The following BFSP2 variants were observed in gnomAD, a reference collection of about 807,000 sequenced individuals.
BFSP2 encodes the protein phakinin.
A neutral mutation model predicts 44.9 loss-of-function variants in BFSP2; 38 were observed. That is an observed-to-expected ratio of 0.85 (90% CI 0.65 to 1.11). The LOEUF (loss-of-function observed/expected upper bound fraction) is 1.11, where lower values mean the gene tolerates loss of function less well. Among genes scored for constraint, BFSP2 ranks in the 50% least tolerant of loss-of-function variants. BFSP2 has a pLI of 0.00. For missense variants in BFSP2, 525 were observed against 533.0 expected (o/e 0.99, Z 0.15); for synonymous variants, 197 against 209.9 (o/e 0.94, Z 0.53).
chr3:133,448,357 A>G (rs1422074465), intron 2 of BFSP2, 132 bp from the exon 3 acceptor site: 3 of 1,184,206 alleles, frequency 2.5e-6, no homozygotes, highest in Non-Finnish European at 3.7e-6. Flanking sequence ...AGTGCCCTCA[A>G]ATCTATTGAA....
intron 1 of BFSP2, among the ~76,000 whole-genome samples, chr3:133,423,487 A>G (rs559835645): frequency 1.4e-5 from 2 of 146,930 alleles, no homozygotes; most frequent in South Asian, 4.5e-4. Context: ...CGCATGGACT[A>G]CACAGCCCTC....
At chr3:133,403,826 C>T (rs1185651891) in intron 1 of BFSP2, among the ~76,000 whole-genome samples, 1 of 152,130 alleles carries the variant, frequency 6.6e-6, no homozygotes, top group Non-Finnish European at 1.5e-5. Flanking sequence ...GTCTCACCCC[C>T]ACCCAGAGGA....
At chr3:133,421,588 CA>C (rs961106326) in intron 1 of BFSP2, among the ~76,000 whole-genome samples, 1 of 151,634 alleles carries the variant, frequency 6.6e-6, no homozygotes, top group African/African-American at 2.4e-5. Context: ...ATCTTATTTC[CA>C]AAAAAAAGGT....
chr3:133,472,451 TC>T lies in BFSP2; in HGVS notation c.1132del (p.Arg378GlufsTer47), dbSNP rs764139291. The T allele has an allele frequency of 6.2e-7, 1 of 1,614,056 alleles. No homozygotes were observed. On this transcript the variant is annotated frameshift_variant, in exon 6 of 7. Coordinates refer to ENST00000302334, the MANE Select transcript of BFSP2 (RefSeq NM_003571.4). LOFTEE classifies it high-confidence loss of function. ...CGGCTGGAGGCGGAGCTCAGGGAAA[TC>T]CGAGCGGAGGCGGAGCAGCAGCAAC... is the stretch of plus-strand genomic sequence containing the variant. Reference protein sequence around the residue: ...VGRLEAELREIRAEAEQQQQE... With the variant: ...VGRLEAELREXRAEAEQQQQE...
intron 1 of BFSP2, among the ~76,000 whole-genome samples, chr3:133,443,180 T>A (rs2073862339): frequency 6.6e-6 from 1 of 152,122 alleles, no homozygotes; most frequent in Non-Finnish European, 1.5e-5. Flanking sequence ...AGATTTTCAT[T>A]CGGGGACATG....
chr3:133,411,426 C>T (rs984216527), intron 1 of BFSP2, among the ~76,000 whole-genome samples: 1 of 151,972 alleles, frequency 6.6e-6, no homozygotes. Context: ...AACAATGGCT[C>T]TAGGCAATAA....
At chr3:133,419,194 C>T (rs1224247436) in intron 1 of BFSP2, among the ~76,000 whole-genome samples, 1 of 152,194 alleles carries the variant, frequency 6.6e-6, no homozygotes, top group Non-Finnish European at 1.5e-5. Flanking sequence ...GGCCCACCGT[C>T]AGGACCTCAT....
chr3:133,443,303 A>G (rs2073863369), intron 1 of BFSP2, among the ~76,000 whole-genome samples: 1 of 152,234 alleles, frequency 6.6e-6, no homozygotes, highest in Admixed American at 6.5e-5. Flanking sequence ...TGTGAAAGTC[A>G]TTAGCACATA....
chr3:133,443,150 G>A (rs761374803), intron 1 of BFSP2, among the ~76,000 whole-genome samples: 3 of 152,138 alleles, frequency 2.0e-5, no homozygotes, highest in Non-Finnish European at 2.9e-5. Context: ...GTGAGCCACC[G>A]CACCCGGCCA....
In BFSP2 at chr3:133,448,505, CCA is replaced by C. The variant is rs775149826; in HGVS notation, c.590_591del (p.Pro197LeufsTer10). The C allele has an allele frequency of 6.2e-7, 1 of 1,613,920 alleles. No homozygotes were observed. Among genetic ancestry groups the C allele is most frequent in the Non-Finnish European group, 8.5e-7 (1 of 1,179,998 alleles). ...DFKERYENEQPFRKAAEEEIN... is the reference protein window; with the variant it reads ...DFKERYENEQXFRKAAEEEIN... ...TATCTGCAGATATGAAAATGAGCAG[CCA>C]TTTCGAAAGGCGGCAGAAGAGGAAA... On this transcript the variant is annotated frameshift_variant, in exon 3 of 7. Transcript: ENST00000302334. LOFTEE classifies it high-confidence loss of function.
At chr3:133,440,785 T>G (rs1487042986) in intron 1 of BFSP2, among the ~76,000 whole-genome samples, 1 of 152,180 alleles carries the variant, frequency 6.6e-6, no homozygotes, top group African/African-American at 2.4e-5. Context: ...CACTGCATGC[T>G]CATCTGGCCC....
chr3:133,415,515 C>G (rs1229971385), intron 1 of BFSP2, among the ~76,000 whole-genome samples: 1 of 110,866 alleles, frequency 9.0e-6, no homozygotes, highest in East Asian at 3.2e-4. Context: ...CTATTCACCC[C>G]GTCCTCTCCC....
chr3:133,446,520 A>G (rs2073898309), intron 1 of BFSP2, among the ~76,000 whole-genome samples: 1 of 133,772 alleles, frequency 7.5e-6, no homozygotes, highest in Admixed American at 8.0e-5. Flanking sequence ...CATAGCTGGG[A>G]TTTGGCTCCA....
intron 1 of BFSP2, among the ~76,000 whole-genome samples, chr3:133,408,308 G>A (rs2073421380): frequency 6.6e-6 from 1 of 152,138 alleles, no homozygotes; most frequent in Non-Finnish European, 1.5e-5. Flanking sequence ...ATCTACCTGA[G>A]ATACCACTTT....
At chr3:133,465,264 C>T (rs2074099486) in intron 4 of BFSP2, among the ~76,000 whole-genome samples, 1 of 151,996 alleles carries the variant, frequency 6.6e-6, no homozygotes, top group South Asian at 2.1e-4. Context: ...ACCTCGGCCT[C>T]CCAAAGTGCT....
At chr3:133,419,848 G>T (rs2073576565) in intron 1 of BFSP2, among the ~76,000 whole-genome samples, 1 of 152,234 alleles carries the variant, frequency 6.6e-6, no homozygotes, top group East Asian at 1.9e-4. Flanking sequence ...AGCACTCAAG[G>T]CAGAATGACT....
intron 1 of BFSP2, among the ~76,000 whole-genome samples, chr3:133,428,337 G>A (rs535858061): frequency 1.3e-5 from 2 of 149,644 alleles, no homozygotes; most frequent in South Asian, 4.2e-4. Flanking sequence ...CCAAGCCAGG[G>A]CGCTGGGCTT....
Position 133,400,378 on chromosome 3 carries a change from C to T in BFSP2, c.295C>T (p.Pro99Ser), listed in dbSNP as rs1255021623. 2 of 1,613,976 alleles carry T rather than the reference C, an allele frequency of 1.2e-6. No individual in the cohort carries two copies. The highest frequency in any genetic ancestry group is 1.7e-6 in the Non-Finnish European group (2 of 1,180,058). The stretch of plus-strand genomic sequence containing the variant: ...CTCAGGCCTGGCCACCGTGCCGGCT[C>T]CAGGTTTGGAGAGGGACCATGGTGC... ...RSSGLATVPA[P>S]GLERDHGAVE... is the part of the protein sequence containing the mutation. Residue 99 changes from proline to serine, a missense_variant, in exon 1 of 7, where the codon CCA (proline) becomes TCA (serine). Physicochemically the swap from Pro to Ser is moderately conservative, Grantham distance 74. Transcript: ENST00000302334. The surrounding 1 kb of genome is among the most constrained non-coding windows in gnomAD (Gnocchi z 4.0).
intron 1 of BFSP2, among the ~76,000 whole-genome samples, chr3:133,405,143 C>G (rs2073393773): frequency 6.6e-6 from 1 of 152,068 alleles, no homozygotes; most frequent in South Asian, 2.1e-4. Context: ...GACCAGGTGT[C>G]AAAACAAAAG....
Sources: allele counts gnomAD v4.1 joint callset (sites outside exome capture counted in the v4.1 genomes callset), GRCh38; gene constraint gnomAD v4.1.1; non-coding constraint Gnocchi (gnomAD v3.1); transcripts MANE v1.5; gene names NCBI Gene and HGNC (gene_info 2026-07-23, HGNC 2026-07-21).